The following TCF12 variants were observed in gnomAD, a reference collection of about 807,000 sequenced individuals.
TCF12 encodes DNA-binding protein HTF4.
Under a neutral mutation model 86.0 loss-of-function variants are expected in TCF12, and 45 were observed. The ratio of observed to expected loss-of-function variants is 0.52; its 90% CI spans 0.41 to 0.67. TCF12 has a LOEUF of 0.67. Among genes scored for constraint, TCF12 ranks in the 30% least tolerant of loss-of-function variants. The pLI, the probability that TCF12 is intolerant of heterozygous loss-of-function variation, is 0.00. For missense variants in TCF12, 881 were observed against 859.9 expected (o/e 1.02, Z -0.31); for synonymous variants, 330 against 299.6 (o/e 1.10, Z -1.05).
intron 5 of TCF12, among the ~76,000 whole-genome samples, chr15:57,151,750 C>T (rs1030868023): frequency 4.1e-5 from 6 of 144,896 alleles, no homozygotes; most frequent in South Asian, 2.3e-4. Context: ...TCCACCCTGG[C>T]GACAATGAGA....
At chr15:57,062,188 C>T (rs2068508882) in intron 3 of TCF12, among the ~76,000 whole-genome samples, 1 of 152,072 alleles carries the variant, frequency 6.6e-6, no homozygotes, top group Admixed American at 6.6e-5. Context: ...GATCTCCTGA[C>T]CTTGTGATCT....
intron 3 of TCF12, among the ~76,000 whole-genome samples, chr15:56,960,545 T>G (rs1300963608): frequency 1.3e-5 from 2 of 150,658 alleles, no homozygotes. Flanking sequence ...TTCTCCCACC[T>G]CAGCCTCCTC....
At chr15:56,962,973 A>G (rs768920427) in intron 3 of TCF12, among the ~76,000 whole-genome samples, 6 of 148,710 alleles carry the variant, frequency 4.0e-5, no homozygotes, top group Admixed American at 6.7e-5. Context: ...TAAAAAATCT[A>G]TGAGTTTTCC....
intron 16 of TCF12, among the ~76,000 whole-genome samples, chr15:57,255,156 A>G (rs1451763011): frequency 1.3e-5 from 2 of 152,080 alleles, no homozygotes; most frequent in African/African-American, 4.8e-5. Context: ...TCCTATTCCA[A>G]CTTATCAGCT....
chr15:57,280,368 C>T (rs1188513954), intron 19 of TCF12, among the ~76,000 whole-genome samples: 3 of 152,038 alleles, frequency 2.0e-5, no homozygotes, highest in East Asian at 1.9e-4. Flanking sequence ...TTCATTCATC[C>T]TCCTTATAGT....
At chr15:57,157,176 T>A (rs1305628542) in intron 5 of TCF12, among the ~76,000 whole-genome samples, 1 of 152,202 alleles carries the variant, frequency 6.6e-6, no homozygotes, top group East Asian at 1.9e-4. Flanking sequence ...TAGAAAGTTG[T>A]AAACCATTAA....
chr15:57,271,513 G>A (rs1363460858), intron 18 of TCF12, among the ~76,000 whole-genome samples: 2 of 152,212 alleles, frequency 1.3e-5, no homozygotes, highest in East Asian at 3.9e-4. Context: ...CCTTGGCTAG[G>A]AAAGGGTAAT....
At position 57,057,253 on chromosome 15, in the gene TCF12, C is replaced by G. The variant is rs1277286652; in HGVS notation, c.149-6497C>G. ...TTTGGGACCTCTCTTTTCTGGCCTT[C>G]TCCCTTTTGGGATTCTATCCTCACT... On this transcript the variant is annotated intron_variant, in intron 3 of 20. Transcript: ENST00000333725. Among the ~76,000 whole-genome samples, 2 of 152,208 alleles carry G rather than the reference C, an allele frequency of 1.3e-5. 1 individual carries two copies. Among genetic ancestry groups the G allele is most frequent in the Non-Finnish European group, 2.9e-5 (2 of 68,040 alleles).
At chr15:57,159,401 C>G (rs1247136879) in intron 5 of TCF12, among the ~76,000 whole-genome samples, 1 of 152,094 alleles carries the variant, frequency 6.6e-6, no homozygotes, top group Non-Finnish European at 1.5e-5. Context: ...ATAGGATTTG[C>G]CCACAAAAGA....
At chr15:57,134,711 T>G (rs2052392307) in intron 5 of TCF12, among the ~76,000 whole-genome samples, 1 of 152,220 alleles carries the variant, frequency 6.6e-6, no homozygotes, top group Admixed American at 6.5e-5. Context: ...CAATTAAGAC[T>G]TCAAGATTTA....
intron 5 of TCF12, among the ~76,000 whole-genome samples, chr15:57,157,786 C>T (rs1242417687): frequency 5.3e-5 from 8 of 152,082 alleles, no homozygotes. Flanking sequence ...TGGTCTTGAA[C>T]TCCTGACCTC....
intron 3 of TCF12, among the ~76,000 whole-genome samples, chr15:57,005,345 G>A (rs577835426): frequency 1.3e-5 from 2 of 151,956 alleles, no homozygotes; most frequent in Non-Finnish European, 2.9e-5. Flanking sequence ...AACACTGCAC[G>A]TGTTTCCTAG....
chr15:57,133,194 T>C (rs746570660), intron 5 of TCF12, among the ~76,000 whole-genome samples: 2 of 152,234 alleles, frequency 1.3e-5, no homozygotes, highest in African/African-American at 2.4e-5. Context: ...GAATGAATCA[T>C]GTTACCATTG....
chr15:57,051,984 A>T (rs548268701), intron 3 of TCF12, among the ~76,000 whole-genome samples: 1 of 152,102 alleles, frequency 6.6e-6, no homozygotes, highest in Non-Finnish European at 1.5e-5. Context: ...CCATTGGTCT[A>T]TGTGTCTGTT....
chr15:56,931,710 T>C (rs1172025226), intron 3 of TCF12, among the ~76,000 whole-genome samples: 2 of 152,172 alleles, frequency 1.3e-5, no homozygotes, highest in East Asian at 3.8e-4. Context: ...AGGTTATGAT[T>C]CTGTTGAGTG....
At chr15:57,161,995 T>A (rs375443262) in intron 5 of TCF12, among the ~76,000 whole-genome samples, 6 of 152,258 alleles carry the variant, frequency 3.9e-5, no homozygotes, top group Non-Finnish European at 8.8e-5. Context: ...TTCTGAGAAG[T>A]CCGCCCAAGA....
At chr15:57,243,681 A>G in intron 13 of TCF12, 131 bp downstream of exon 13, 1 of 702,108 alleles carries the variant, frequency 1.4e-6, no homozygotes, top group Non-Finnish European at 2.4e-6. Context: ...GAAAGTGTGT[A>G]AAGAGAGCCT....
chr15:57,005,158 T>G (rs1172324570), intron 3 of TCF12, among the ~76,000 whole-genome samples: 1 of 152,226 alleles, frequency 6.6e-6, no homozygotes, highest in Non-Finnish European at 1.5e-5. Context: ...TATTTCTGGG[T>G]GTTCTTAGGT....
intron 3 of TCF12, among the ~76,000 whole-genome samples, chr15:57,026,200 A>G (rs868298210): frequency 1.3e-5 from 2 of 152,232 alleles, no homozygotes; most frequent in Non-Finnish European, 2.9e-5. Context: ...ATGGTAAACA[A>G]ATGGGAATGG....
Sources: allele counts gnomAD v4.1 joint callset (sites outside exome capture counted in the v4.1 genomes callset), GRCh38; gene constraint gnomAD v4.1.1; transcripts MANE v1.5; gene names NCBI Gene and HGNC (gene_info 2026-07-23, HGNC 2026-07-21).